Variants in APCDD1L observed in about 807,000 individuals in gnomAD.
APCDD1L encodes APC down-regulated 1 like.
Under a neutral mutation model 24.2 loss-of-function variants are expected in APCDD1L, and 21 were observed. The ratio of observed to expected loss-of-function variants is 0.87; its 90% CI spans 0.61 to 1.25. The LOEUF is 1.25. Ranked by LOEUF, APCDD1L falls within the 50% of genes most tolerant of loss-of-function variation. APCDD1L has a pLI of 0.00. For missense variants in APCDD1L, 704 were observed against 711.7 expected (o/e 0.99, Z 0.12); for synonymous variants, 321 against 323.6 (o/e 0.99, Z 0.09).
At chr20:58,503,928 G>A (rs1990488435) in intron 1 of APCDD1L, among the ~76,000 whole-genome samples, 1 of 152,200 alleles carries the variant, frequency 6.6e-6, no homozygotes, top group Admixed American at 6.5e-5. Context: ...AATGTGCTTA[G>A]CTTCTGGTCA....
At chr20:58,492,911 C>G (rs1990247556) in intron 1 of APCDD1L, among the ~76,000 whole-genome samples, 1 of 149,830 alleles carries the variant, frequency 6.7e-6, no homozygotes, top group Non-Finnish European at 1.5e-5. Flanking sequence ...ATAATGCAAG[C>G]ATGCACACAT....
intron 1 of APCDD1L, among the ~76,000 whole-genome samples, chr20:58,471,605 T>C (rs1989813560): frequency 6.6e-6 from 1 of 152,180 alleles, no homozygotes. Flanking sequence ...AGTGGGACTG[T>C]TCACGATCTT....
At chr20:58,472,977 G>A (rs1989841081) in intron 1 of APCDD1L, among the ~76,000 whole-genome samples, 1 of 152,206 alleles carries the variant, frequency 6.6e-6, no homozygotes, top group African/African-American at 2.4e-5. Flanking sequence ...AAGACACTGG[G>A]TTTCCTGGAT....
chr20:58,514,174 T>TGC (rs911792332), intron 1 of APCDD1L, among the ~76,000 whole-genome samples: 1 of 152,158 alleles, frequency 6.6e-6, no homozygotes, highest in Admixed American at 6.5e-5. Flanking sequence ...CTGGGGTCAC[T>TGC]GCGCGCTCCC....
intron 1 of APCDD1L, among the ~76,000 whole-genome samples, chr20:58,476,207 T>C (rs1989906708): frequency 6.6e-6 from 1 of 152,220 alleles, no homozygotes; most frequent in South Asian, 2.1e-4. Context: ...TTTATTTATT[T>C]TGAGACGGAG....
Position 58,497,045 on chromosome 20 carries a change from C to T in APCDD1L, c.49+17614G>A, listed in dbSNP as rs1047681246. The stretch of plus-strand genomic sequence containing the variant: ...AAGGTCTGAACTTGCAGACACCGGC[C>T]AGTGACAGGGGCCCTTTGAGGAGTG... On this transcript the variant is annotated intron_variant, in intron 1 of 3. Coordinates refer to ENST00000371149, the MANE Select transcript of APCDD1L (RefSeq NM_153360.3). The surrounding 1 kb of genome is among the most constrained non-coding windows in gnomAD (Gnocchi z 4.3). Among the ~76,000 whole-genome samples, 3 of 152,208 alleles carry T rather than the reference C, an allele frequency of 2.0e-5. No homozygotes were observed. The highest frequency in any genetic ancestry group is 4.8e-5 in the African/African-American group (2 of 41,444).
In APCDD1L at chr20:58,514,710, C is replaced by A. The variant is rs764834959; in HGVS notation, c.-3G>T. ...TAGGGGAGCATGGCTGCGGGCATCC[C>A]GTCGGGGCTGGCAGGACCGCCCGCC... is the stretch of plus-strand genomic sequence containing the variant. On this transcript the variant is annotated 5_prime_UTR_variant, in exon 1 of 4. Transcript: ENST00000371149. 5.0e-5 allele frequency: 66 copies of A among 1,308,182 alleles called. No individual in the cohort carries two copies. Among genetic ancestry groups the A allele is most frequent in the Non-Finnish European group, 5.9e-5 (60 of 1,020,676 alleles). 81.0% of individuals were successfully genotyped at this position (1,308,182 alleles called of 1,614,324 possible).
intron 1 of APCDD1L, among the ~76,000 whole-genome samples, chr20:58,504,696 G>A (rs1048522266): frequency 1.3e-5 from 2 of 152,146 alleles, no homozygotes; most frequent in African/African-American, 4.8e-5. Flanking sequence ...AAGACTGAGG[G>A]CACCTTTGGC....
At chr20:58,472,007 T>TCCTGACCTTGCAGGCAGACCTTC (rs1439009643) in intron 1 of APCDD1L, among the ~76,000 whole-genome samples, 1 of 152,178 alleles carries the variant, frequency 6.6e-6, no homozygotes, top group African/African-American at 2.4e-5. Flanking sequence ...TCTGTCCCTT[T>TCCTGACCTTGCAGGCAGACCTTC]CCTGACCTTG....
chr20:58,489,953 C>T (rs561862305), intron 1 of APCDD1L, among the ~76,000 whole-genome samples: 7 of 152,202 alleles, frequency 4.6e-5, no homozygotes, highest in East Asian at 3.9e-4. Flanking sequence ...AAAGCTGACA[C>T]GTACCACAAA....
rs141495322 is a variant in APCDD1L, at chr20:58,508,715, T to C, written c.49+5944A>G. The stretch of plus-strand genomic sequence containing the variant: ...ATGAGCGATTACTGAGTACCTACTA[T>C]GTGCCAGGCACTGTTCTAGGGACCC... On this transcript the variant is annotated intron_variant, in intron 1 of 3. Transcript: ENST00000371149. The surrounding 1 kb of genome is among the most constrained non-coding windows in gnomAD (Gnocchi z 4.0). Among the ~76,000 whole-genome samples the C allele has an allele frequency of 2.0e-3, 298 of 152,328 alleles. No homozygotes were observed. The highest frequency in any genetic ancestry group is 3.7e-3 in the South Asian group (18 of 4,830).
chr20:58,485,450 A>G (rs1990103197), intron 1 of APCDD1L, among the ~76,000 whole-genome samples: 1 of 152,252 alleles, frequency 6.6e-6, no homozygotes, highest in African/African-American at 2.4e-5. Context: ...TGGAAGGGAA[A>G]TGACAAGTTA....
chr20:58,500,086 G>A (rs946204670), intron 1 of APCDD1L, among the ~76,000 whole-genome samples: 4 of 152,118 alleles, frequency 2.6e-5, no homozygotes, highest in Non-Finnish European at 5.9e-5. Flanking sequence ...TACACTGAAC[G>A]GCATAAGGTG....
At chr20:58,463,611 G>A (rs895528762) in intron 3 of APCDD1L, among the ~76,000 whole-genome samples, 1 of 152,188 alleles carries the variant, frequency 6.6e-6, no homozygotes, top group African/African-American at 2.4e-5. Context: ...GTTCTGGAAG[G>A]TAAATGGCCT....
rs533965864 is a variant in APCDD1L, at chr20:58,508,740, C to T, written c.49+5919G>A. ...TGTGCCAGGCACTGTTCTAGGGACC[C>T]GGGAAAGAACTGTCGATAAAACAGG... On this transcript the variant is annotated intron_variant, in intron 1 of 3. Coordinates refer to ENST00000371149, the MANE Select transcript of APCDD1L (RefSeq NM_153360.3). This position sits in a 1 kb window ranked among gnomAD's most constrained non-coding sequence, Gnocchi z 4.0. Among the ~76,000 whole-genome samples, 6 of 152,244 alleles carry T rather than the reference C, an allele frequency of 3.9e-5. No homozygotes were observed. Among genetic ancestry groups the T allele is most frequent in the East Asian group, 1.9e-4 (1 of 5,176 alleles).
chr20:58,506,361 G>C (rs1224755284), intron 1 of APCDD1L, among the ~76,000 whole-genome samples: 2 of 152,240 alleles, frequency 1.3e-5, no homozygotes, highest in Non-Finnish European at 2.9e-5. Flanking sequence ...TAGCCACCCA[G>C]AAGAAGCAAT....
Position 58,467,293 on chromosome 20 carries a change from C to CA in APCDD1L, c.553dup (p.Cys185LeufsTer170). The stretch of plus-strand genomic sequence containing the variant: ...CATGGTGAGGCCCAGCGCCTCCAGG[C>CA]AGTCCCCCTGAGCCCGGGCGCTCCG... On this transcript the variant is annotated frameshift_variant, in exon 3 of 4. Coordinates refer to ENST00000371149, the MANE Select transcript of APCDD1L (RefSeq NM_153360.3). LOFTEE classifies it high-confidence loss of function. The surrounding 1 kb of genome is among the most constrained non-coding windows in gnomAD (Gnocchi z 5.9). The CA allele has an allele frequency of 6.5e-7, 1 of 1,546,372 alleles. No homozygotes were observed. Among genetic ancestry groups the CA allele is most frequent in the Non-Finnish European group, 8.7e-7 (1 of 1,152,930 alleles).
chr20:58,499,006 A>G (rs191311707), intron 1 of APCDD1L, among the ~76,000 whole-genome samples: 4 of 152,218 alleles, frequency 2.6e-5, no homozygotes, highest in East Asian at 3.9e-4. Context: ...TGAGGACACA[A>G]TTTTGGCTGC....
intron 1 of APCDD1L, among the ~76,000 whole-genome samples, chr20:58,506,963 G>A (rs1178394252): frequency 6.6e-6 from 1 of 152,148 alleles, no homozygotes; most frequent in African/African-American, 2.4e-5. Context: ...GGGTTGCTGG[G>A]CTTGCTGGCT....
Sources: gnomAD v4.1 joint callset for allele counts (sites outside exome capture counted in the v4.1 genomes callset) on GRCh38, gnomAD v4.1.1 for gene constraint, Gnocchi (gnomAD v3.1) non-coding constraint, MANE v1.5 for transcripts, NCBI Gene and HGNC (gene_info 2026-07-23, HGNC 2026-07-21) for gene names.